Variants in RAB31 observed in about 807,000 individuals in gnomAD.
The protein encoded by RAB31 is ras-related protein Rab-31.
In RAB31, 21 loss-of-function variants were observed where a neutral mutation model predicts 25.6. The observed-to-expected ratio is 0.82, with a 90% CI of 0.58 to 1.18. RAB31 has a LOEUF of 1.18. Ranked by LOEUF, RAB31 falls within the 50% of genes most tolerant of loss-of-function variation. The pLI, the probability that RAB31 is intolerant of heterozygous loss-of-function variation, is 0.00. For synonymous variants in RAB31, 87 were observed against 84.0 expected (o/e 1.04, Z -0.20); for missense variants, 196 against 250.1 (o/e 0.78, Z 1.46).
rs147390375 is a variant in RAB31, at chr18:9,743,678, GAC to G, written c.40-31595_40-31594del. ...GCAAAACCAGTTGTTAATCATCCCT[GAC>G]ACACTCTGAGTCACCACCACCCTCT... On this transcript the variant is annotated intron_variant, in intron 1 of 6. Transcript: ENST00000578921. Among the ~76,000 whole-genome samples, 72 of 152,354 alleles carry G rather than the reference GAC, an allele frequency of 4.7e-4. 1 individual carries two copies. The East Asian group carries it at 0.014, about 29-fold the overall frequency.
chr18:9,711,437 A>G (rs2068016818), intron 1 of RAB31, among the ~76,000 whole-genome samples: 1 of 152,226 alleles, frequency 6.6e-6, no homozygotes, highest in South Asian at 2.1e-4. Context: ...CAATGGTGCC[A>G]TCCTGGCTCA....
At chr18:9,846,080 C>A (rs929632989) in intron 6 of RAB31, among the ~76,000 whole-genome samples, 3 of 152,196 alleles carry the variant, frequency 2.0e-5, no homozygotes, top group African/African-American at 7.2e-5. Flanking sequence ...AGGGAACCTT[C>A]CAGTAACTTT....
At chr18:9,786,019 C>A (rs568349231) in intron 2 of RAB31, among the ~76,000 whole-genome samples, 6 of 150,956 alleles carry the variant, frequency 4.0e-5, no homozygotes, top group African/African-American at 1.5e-4. Context: ...CGACTGCACT[C>A]TAGCGTGGGC....
At chr18:9,709,344 A>G (rs1466724734) in intron 1 of RAB31, among the ~76,000 whole-genome samples, 1 of 152,160 alleles carries the variant, frequency 6.6e-6, no homozygotes, top group Non-Finnish European at 1.5e-5. Context: ...CTAAAAGAAG[A>G]GCCGGTTCTA....
chr18:9,840,309 A>G (rs1299109207), intron 5 of RAB31, among the ~76,000 whole-genome samples: 2 of 152,042 alleles, frequency 1.3e-5, no homozygotes, highest in Non-Finnish European at 2.9e-5. Context: ...GCTTGGGTGA[A>G]CTCGTTTCAG....
intron 3 of RAB31, among the ~76,000 whole-genome samples, chr18:9,809,319 C>T (rs1434797424): frequency 6.6e-6 from 1 of 152,168 alleles, no homozygotes; most frequent in Non-Finnish European, 1.5e-5. Context: ...TCTTCACTTC[C>T]CCAAAGGTGA....
In RAB31 at chr18:9,756,762, C is replaced by A. The variant is rs577986313; in HGVS notation, c.40-18516C>A. 3.3e-5 allele frequency among the ~76,000 whole-genome samples: 5 copies of A among 152,310 alleles called. No individual in the cohort carries two copies. The South Asian group carries it at 1.0e-3, about 32-fold the overall frequency. On this transcript the variant is annotated intron_variant, in intron 1 of 6. Transcript: ENST00000578921. ...ACGTAGTAGGTGCTCAATAAAAATGCAGCAAATGAATGAACAGCTCCTAAA... is the reference window on the plus strand; with the variant it reads ...ACGTAGTAGGTGCTCAATAAAAATGAAGCAAATGAATGAACAGCTCCTAAA...
intron 6 of RAB31, among the ~76,000 whole-genome samples, chr18:9,847,209 T>C (rs1283529551): frequency 6.6e-6 from 1 of 152,250 alleles, no homozygotes; most frequent in African/African-American, 2.4e-5. Context: ...ACTCATTCTC[T>C]TCTGGTGGCG....
chr18:9,730,623 G>T (rs2068118207), intron 1 of RAB31, among the ~76,000 whole-genome samples: 1 of 152,204 alleles, frequency 6.6e-6, no homozygotes, highest in South Asian at 2.1e-4. Flanking sequence ...TACAGAATTA[G>T]TTGCATGTGG....
chr18:9,801,241 A>G (rs2068512503), intron 3 of RAB31, among the ~76,000 whole-genome samples: 1 of 151,574 alleles, frequency 6.6e-6, no homozygotes, highest in African/African-American at 2.4e-5. Flanking sequence ...CTTTTTGGCT[A>G]TTATGAATAG....
chr18:9,858,902 C>T (rs955038835), intron 6 of RAB31, among the ~76,000 whole-genome samples: 9 of 152,100 alleles, frequency 5.9e-5, no homozygotes, highest in South Asian at 2.1e-4. Flanking sequence ...GGGAAGAGCG[C>T]GCTGATGAGC....
In RAB31 at chr18:9,774,931, T is replaced by C. The variant is rs920842105; in HGVS notation, c.40-347T>C. On this transcript the variant is annotated intron_variant, in intron 1 of 6. Coordinates refer to ENST00000578921, the MANE Select transcript of RAB31 (RefSeq NM_006868.4). ...ATGAATTCTGTTTCTGCCCAAACAA[T>C]GTGGTATGTTCACGTACTTCTTCTC... The C allele has an allele frequency of 7.6e-6, 4 of 525,358 alleles. No individual in the cohort carries two copies. In the African/African-American group the frequency reaches 7.7e-5, roughly 10 times the overall value. 32.5% of individuals were successfully genotyped at this position (525,358 alleles called of 1,614,324 possible).
At position 9,708,352 on chromosome 18, in the gene RAB31, C is replaced by T. The variant is rs1348292541; in HGVS notation, c.-54C>T. 2.9e-6 allele frequency: 4 copies of T among 1,396,184 alleles called. No individual in the cohort carries two copies. Among genetic ancestry groups the T allele is most frequent in the Non-Finnish European group, 3.8e-6 (4 of 1,054,706 alleles). The allele number at this position is 1,396,184 out of a possible 1,614,324, so 86.5% of individuals were successfully genotyped here. On this transcript the variant is annotated 5_prime_UTR_variant, in exon 1 of 7. Coordinates refer to ENST00000578921, the MANE Select transcript of RAB31 (RefSeq NM_006868.4). The surrounding 1 kb of genome is among the most constrained non-coding windows in gnomAD (Gnocchi z 6.4). ...GCGAGAGACGCCGGCGGGGCGCGGGCGCGGCGGCCCCGGAGGATGCTGCTG... is the reference window on the plus strand; with the variant it reads ...GCGAGAGACGCCGGCGGGGCGCGGGTGCGGCGGCCCCGGAGGATGCTGCTG...
At chr18:9,738,817 A>C (rs910092665) in intron 1 of RAB31, among the ~76,000 whole-genome samples, 1 of 152,224 alleles carries the variant, frequency 6.6e-6, no homozygotes, top group African/African-American at 2.4e-5. Flanking sequence ...CCTCTGGAGT[A>C]GGAGGAGGCA....
chr18:9,774,087 A>G (rs1433445763), intron 1 of RAB31, among the ~76,000 whole-genome samples: 1 of 152,178 alleles, frequency 6.6e-6, no homozygotes, highest in Non-Finnish European at 1.5e-5. Flanking sequence ...GTGAGTGATT[A>G]TATTGAAAAA....
At chr18:9,848,254 C>G (rs1374342051) in intron 6 of RAB31, among the ~76,000 whole-genome samples, 1 of 152,136 alleles carries the variant, frequency 6.6e-6, no homozygotes, top group Non-Finnish European at 1.5e-5. Flanking sequence ...ACTTGGCTGT[C>G]TATCTGTCCA....
intron 5 of RAB31, among the ~76,000 whole-genome samples, chr18:9,837,576 T>C (rs915381824): frequency 1.3e-5 from 2 of 152,262 alleles, no homozygotes; most frequent in East Asian, 3.9e-4. Context: ...GGGGCTAGGT[T>C]CCATAATATG....
At chr18:9,728,074 C>T (rs767874162) in intron 1 of RAB31, among the ~76,000 whole-genome samples, 4 of 152,180 alleles carry the variant, frequency 2.6e-5, no homozygotes, top group South Asian at 4.1e-4. Flanking sequence ...CCTTTCTCTA[C>T]TAATGTCTTC....
intron 5 of RAB31, among the ~76,000 whole-genome samples, chr18:9,819,443 C>T (rs963285458): frequency 1.3e-5 from 2 of 152,148 alleles, no homozygotes; most frequent in Non-Finnish European, 2.9e-5. Context: ...GTCCTGACAC[C>T]AGTGTTATAC....
Sources: allele counts gnomAD v4.1 joint callset (sites outside exome capture counted in the v4.1 genomes callset), GRCh38; gene constraint gnomAD v4.1.1; non-coding constraint Gnocchi (gnomAD v3.1); transcripts MANE v1.5; gene names NCBI Gene and HGNC (gene_info 2026-07-23, HGNC 2026-07-21).